Variants in AFDN observed in about 807,000 individuals in gnomAD.
AFDN encodes afadin, adherens junction formation factor.
A neutral mutation model predicts 216.6 loss-of-function variants in AFDN; 68 were observed. The observed-to-expected ratio is 0.31, with a 90% CI of 0.26 to 0.38. AFDN has a LOEUF of 0.38. Ranked by LOEUF, AFDN falls within the 10% of genes least tolerant of loss-of-function variation. AFDN has a pLI of 1.00. For missense variants in AFDN, 2,136 were observed against 2,342.0 expected (o/e 0.91, Z 1.82); for synonymous variants, 868 against 853.7 (o/e 1.02, Z -0.29).
chr6:167,943,294 T>C, intron 24 of AFDN, 100 bp downstream of exon 24: 1 of 1,434,498 alleles, frequency 7.0e-7, no homozygotes, highest in South Asian at 1.2e-5. Context: ...AGCACTATAG[T>C]GCTTGTTGGA....
chr6:167,900,313 T>G (rs1266304432), intron 11 of AFDN, among the ~76,000 whole-genome samples: 1 of 152,210 alleles, frequency 6.6e-6, no homozygotes, highest in African/African-American at 2.4e-5. Flanking sequence ...CTACTGATGG[T>G]TATAAACGAG....
Position 167,925,034 on chromosome 6 carries a change from A to T in AFDN, c.3042A>T (p.Ile1014=). Residue 1014 remains isoleucine (I), a synonymous_variant, in exon 23 of 34, where the codon ATA becomes ATT. Transcript: ENST00000683244. ...AGCCTCTGAGGAAAGAACCTGAAATAATCACTGTGACCCTAAAAAAGCAGA... is the reference window on the plus strand; with the variant it reads ...AGCCTCTGAGGAAAGAACCTGAAATTATCACTGTGACCCTAAAAAAGCAGA... ...LAQPLRKEPE[I]ITVTLKKQNG... The T allele has an allele frequency of 6.2e-7, 1 of 1,613,934 alleles. No homozygotes were observed. Among genetic ancestry groups the T allele is most frequent in the South Asian group, 1.1e-5 (1 of 91,080 alleles).
chr6:167,910,962 A>T (rs1790307456), intron 13 of AFDN, 139 bp from the exon 14 acceptor site: 2 of 708,794 alleles, frequency 2.8e-6, no homozygotes, highest in South Asian at 3.8e-5. Context: ...ACATCTGAAA[A>T]CAAGGGATAT....
intron 30 of AFDN, among the ~76,000 whole-genome samples, chr6:167,958,731 A>G (rs920225238): frequency 6.6e-6 from 1 of 152,234 alleles, no homozygotes; most frequent in African/African-American, 2.4e-5. Context: ...GTGGAACTGT[A>G]GAAATTGGAC....
intron 2 of AFDN, among the ~76,000 whole-genome samples, chr6:167,869,028 G>A (rs1207668938): frequency 1.3e-5 from 2 of 151,254 alleles, no homozygotes; most frequent in African/African-American, 4.9e-5. Flanking sequence ...TATCCACCTT[G>A]GCCTCCCAAA....
intron 9 of AFDN, among the ~76,000 whole-genome samples, chr6:167,896,473 T>C (rs1018929683): frequency 6.6e-6 from 1 of 152,190 alleles, no homozygotes; most frequent in African/African-American, 2.4e-5. Flanking sequence ...TATTGTGTTG[T>C]GTGCCATAAG....
chr6:167,881,188 T>C (rs1255373938), intron 6 of AFDN, among the ~76,000 whole-genome samples: 1 of 152,160 alleles, frequency 6.6e-6, no homozygotes, highest in Non-Finnish European at 1.5e-5. Flanking sequence ...TCTTGTTAGC[T>C]ACAGGTAGAA....
chr6:167,864,011 A>G (rs960860743), intron 1 of AFDN, among the ~76,000 whole-genome samples: 25 of 152,250 alleles, frequency 1.6e-4, no homozygotes, highest in African/African-American at 5.8e-4. Flanking sequence ...TGGGACCAAC[A>G]TTTCCCTCTT....
chr6:167,839,017 A>G (rs577970832), intron 1 of AFDN, among the ~76,000 whole-genome samples: 2 of 152,220 alleles, frequency 1.3e-5, no homozygotes, highest in Non-Finnish European at 2.9e-5. Flanking sequence ...TGTGGCCAAT[A>G]TTCTTGCATA....
chr6:167,958,014 G>C (rs1361836618), intron 30 of AFDN, among the ~76,000 whole-genome samples: 1 of 152,170 alleles, frequency 6.6e-6, no homozygotes, highest in African/African-American at 2.4e-5. Flanking sequence ...GCCAGTACAT[G>C]TTGAACATTC....
chr6:167,878,642 C>A (rs910930539), intron 5 of AFDN, among the ~76,000 whole-genome samples: 3 of 151,822 alleles, frequency 2.0e-5, no homozygotes, highest in Non-Finnish European at 4.4e-5. Context: ...AGAACTTAAA[C>A]CCTTCCAGTG....
chr6:167,887,564 T>C (rs2128323641), intron 6 of AFDN, among the ~76,000 whole-genome samples: 1 of 151,898 alleles, frequency 6.6e-6, no homozygotes, highest in Middle Eastern at 3.4e-3. Context: ...CAAGCCATTC[T>C]CCTGCCTCAG....
intron 1 of AFDN, among the ~76,000 whole-genome samples, chr6:167,851,966 A>G (rs1377491761): frequency 3.9e-5 from 6 of 152,132 alleles, no homozygotes; most frequent in African/African-American, 1.4e-4. Context: ...TTAGCGTGAA[A>G]ATTTTCAAAC....
At chr6:167,902,851 C>T (rs1434223346) in intron 12 of AFDN, among the ~76,000 whole-genome samples, 2 of 152,174 alleles carry the variant, frequency 1.3e-5, no homozygotes, top group Non-Finnish European at 2.9e-5. Context: ...TTTGTAAAAA[C>T]AGACTTCCCA....
rs762126207 is a variant in AFDN, at chr6:167,965,759, G to T, written c.4971G>T (p.Arg1657Ser). 7.2e-6 allele frequency: 11 copies of T among 1,536,408 alleles called. No homozygotes were observed. The Admixed American group carries it at 1.2e-4, about 17-fold the overall frequency. The change falls in exon 32 of 34, where the codon AGG (arginine) becomes AGT (serine). Residue 1657 changes from arginine to serine, a missense_variant and splice_region_variant. Physicochemically the swap from Arg to Ser is moderately radical, Grantham distance 110. Transcript: ENST00000683244. ...CTCTTGTCTATTCCCGCCCGCAGAG[G>T]CGACAGGAAGAAGGGTATTACAGCC... The part of the protein sequence containing the change: ...ERTKRDAEEK[R>S]RQEEGYYSRL...
chr6:167,831,351 T>C (rs1379916496), intron 1 of AFDN, among the ~76,000 whole-genome samples: 2 of 152,368 alleles, frequency 1.3e-5, no homozygotes, highest in East Asian at 3.9e-4. Context: ...TAGGCATCCC[T>C]ATTTTTTATT....
chr6:167,837,171 A>G (rs942188614), intron 1 of AFDN, among the ~76,000 whole-genome samples: 13 of 152,192 alleles, frequency 8.5e-5, no homozygotes, highest in South Asian at 4.1e-4. Flanking sequence ...TATTTATGAT[A>G]TGGCTTATTT....
At chr6:167,862,496 C>T (rs985355395) in intron 1 of AFDN, among the ~76,000 whole-genome samples, 3 of 152,094 alleles carry the variant, frequency 2.0e-5, no homozygotes. Flanking sequence ...CTGCCTCAGC[C>T]TCCTGAGTAG....
intron 6 of AFDN, among the ~76,000 whole-genome samples, chr6:167,882,837 TGAAAA>T (rs1460525400): frequency 1.3e-5 from 2 of 152,032 alleles, no homozygotes; most frequent in Non-Finnish European, 2.9e-5. Context: ...AAACTAGTAT[TGAAAA>T]GAATGATTCA....
Sources: allele counts gnomAD v4.1 joint callset (sites outside exome capture counted in the v4.1 genomes callset), GRCh38; gene constraint gnomAD v4.1.1; transcripts MANE v1.5; gene names NCBI Gene and HGNC (gene_info 2026-07-23, HGNC 2026-07-21).